The following PXN variants were observed in gnomAD, a reference collection of about 807,000 sequenced individuals.
PXN encodes paxillin, also known as testicular tissue protein Li 134.
PXN carries 61 observed loss-of-function variants against 103.6 expected under a neutral mutation model. That is an observed-to-expected ratio of 0.59 (90% CI 0.48 to 0.73). The LOEUF (loss-of-function observed/expected upper bound fraction) is 0.73. Among genes scored for constraint, PXN ranks in the 30% least tolerant of loss-of-function variants. PXN has a pLI of 0.00. For missense variants in PXN, 1,274 were observed against 1,460.3 expected, an observed-to-expected ratio of 0.87 and a Z score of 2.08; for synonymous variants, 562 against 607.8, an observed-to-expected ratio of 0.92 and a Z score of 1.11.
Position 120,215,694 on chromosome 12 carries a change from CTT to C in PXN, c.2302-35_2302-34del. ...AGGGGAAGAGATGAGGGTAAGAAATCTTTTTTAAAAATTAAGAAAGAATACAA... is the reference window on the plus strand; with the variant it reads ...AGGGGAAGAGATGAGGGTAAGAAATCTTTTAAAAATTAAGAAAGAATACAA... On this transcript the variant is annotated intron_variant, in intron 9 of 14. Coordinates refer to ENST00000637617, the MANE Select transcript of PXN (RefSeq NM_001385981.1). The surrounding 1 kb of genome is among the most constrained non-coding windows in gnomAD (Gnocchi z 4.9). The C allele has an allele frequency of 6.4e-7, 1 of 1,568,442 alleles. No individual in the cohort carries two copies. The highest frequency in any genetic ancestry group is 8.6e-7 in the Non-Finnish European group (1 of 1,160,992).
chr12:120,256,829 T>G (rs1382447980), intron 1 of PXN, among the ~76,000 whole-genome samples: 1 of 152,154 alleles, frequency 6.6e-6, no homozygotes, highest in South Asian at 2.1e-4. Flanking sequence ...GGAATTCTCC[T>G]GCCTCAGCCT....
In PXN at chr12:120,211,677, G is replaced by T; in HGVS notation, c.*637C>A. Reference sequence around the variant, plus strand: ...AAGTGACTAGAAAACATTATTGCTGGAGAGGCTTTTCTCAGTAGAACAAGA... The same window carrying T: ...AAGTGACTAGAAAACATTATTGCTGTAGAGGCTTTTCTCAGTAGAACAAGA... On this transcript the variant is annotated 3_prime_UTR_variant, in exon 15 of 15. Coordinates refer to ENST00000637617, the MANE Select transcript of PXN (RefSeq NM_001385981.1). 1 of 317,506 alleles carries T rather than the reference G, an allele frequency of 3.1e-6. No homozygotes were observed. The highest frequency in any genetic ancestry group is 7.6e-5 in the East Asian group (1 of 13,094). 19.7% of individuals were successfully genotyped at this position (317,506 alleles called of 1,614,324 possible). A position where few individuals can be genotyped will look rare whatever the true frequency, so the allele number is the denominator to read the frequency against.
chr12:120,226,014 C>T (rs1886773685), intron 1 of PXN: 5 of 1,067,144 alleles, frequency 4.7e-6, no homozygotes, highest in African/African-American at 3.3e-5. Flanking sequence ...CAGCCCGCCC[C>T]GCCCTCCGGG....
At chr12:120,247,699 C>T (rs1035739448) in intron 1 of PXN, 2 of 154,286 alleles carry the variant, frequency 1.3e-5, no homozygotes, top group African/African-American at 4.8e-5. Flanking sequence ...CCGCAAGTGA[C>T]TCACTGACCT....
At chr12:120,235,964 A>G (rs919217771) in intron 1 of PXN, among the ~76,000 whole-genome samples, 4 of 152,216 alleles carry the variant, frequency 2.6e-5, no homozygotes, top group Admixed American at 1.3e-4. Flanking sequence ...ACTCCACTGT[A>G]GGCACCAAAC....
chr12:120,234,618 T>C (rs1888676892), intron 1 of PXN, among the ~76,000 whole-genome samples: 1 of 151,982 alleles, frequency 6.6e-6, no homozygotes, highest in African/African-American at 2.4e-5. Context: ...GGCAGTGTGG[T>C]AGAGTGGAAG....
rs1274353390 is a variant in PXN at position 120,215,290 on chromosome 12, G to A, written c.2404-17C>T. 3 of 1,573,844 alleles carry A rather than the reference G, an allele frequency of 1.9e-6. No homozygotes were observed. Among genetic ancestry groups the A allele is most frequent in the Non-Finnish European group, 2.6e-6 (3 of 1,162,650 alleles). ...GGCCATGAACTGTGGACACGGAGGG[G>A]GCTGGTCAGGACTCCTGAGGCTCGG... On this transcript the variant is annotated splice_polypyrimidine_tract_variant and intron_variant, in intron 10 of 14. Transcript: ENST00000637617. This position sits in a 1 kb window ranked among gnomAD's most constrained non-coding sequence, Gnocchi z 4.9.
intron 1 of PXN, chr12:120,226,821 C>T (rs1402275033): frequency 1.3e-5 from 13 of 1,018,396 alleles, no homozygotes; most frequent in African/African-American, 1.7e-5. Context: ...TCTCAGTAAG[C>T]TCTTGAATAA....
At chr12:120,227,767 T>C (rs1481186864) in intron 1 of PXN, among the ~76,000 whole-genome samples, 1 of 152,054 alleles carries the variant, frequency 6.6e-6, no homozygotes, top group Non-Finnish European at 1.5e-5. Flanking sequence ...AAACCAGAAA[T>C]ACAGGAGGCA....
Position 120,215,762 on chromosome 12 carries a change from T to A in PXN, c.2302-101A>T. 1 of 1,348,648 alleles carries A rather than the reference T, an allele frequency of 7.4e-7. No homozygotes were observed. Among genetic ancestry groups the A allele is most frequent in the Non-Finnish European group, 9.8e-7 (1 of 1,023,268 alleles). 83.5% of individuals were successfully genotyped at this position (1,348,648 alleles called of 1,614,324 possible). A position where few individuals can be genotyped will look rare whatever the true frequency, so the allele number is the denominator to read the frequency against. On this transcript the variant is annotated intron_variant, in intron 9 of 14. Transcript: ENST00000637617. The surrounding 1 kb of genome is among the most constrained non-coding windows in gnomAD (Gnocchi z 4.9). ...CTAAAAGGGAATCTAGGATGAGATC[T>A]GAGGGTTTCTCCCCCACCGGCAGGA...
In PXN at chr12:120,222,872, A is replaced by C. The variant is rs367683661; in HGVS notation, c.484T>G (p.Phe162Val). 2.5e-6 allele frequency: 4 copies of C among 1,613,714 alleles called. No individual in the cohort carries two copies. Among genetic ancestry groups the C allele is most frequent in the Non-Finnish European group, 3.4e-6 (4 of 1,179,816 alleles). Reference sequence around the variant, plus strand: ...AGGGACCCGGTCCTACCTGCAGGGAAGCCTGGCGGGTTATGCTGTACAGCG... The same window carrying C: ...AGGGACCCGGTCCTACCTGCAGGGACGCCTGGCGGGTTATGCTGTACAGCG... ...LNAVQHNPPG[F>V]PADEANSSPP... The change falls in exon 4 of 15, where the codon TTC becomes GTC. Residue 162 changes from phenylalanine (F) to valine (V), a missense_variant. Around this residue, in one of 2 missense-constraint regions of PXN, gnomAD observed 1,178 missense variants for 1,309.0 expected, o/e 0.90. Coordinates refer to ENST00000637617, the MANE Select transcript of PXN (RefSeq NM_001385981.1). The surrounding 1 kb of genome is among the most constrained non-coding windows in gnomAD (Gnocchi z 4.7).
rs933459630 is a variant in PXN at position 120,217,753 on chromosome 12, T to C, written c.1717-637A>G. ...CACCACCACGCCTGGCTAATTTTTG[T>C]TGTTGTTGTTTTTTGTTTTTTTTTT... On this transcript the variant is annotated intron_variant, in intron 7 of 14. Coordinates refer to ENST00000637617, the MANE Select transcript of PXN (RefSeq NM_001385981.1). This position sits in a 1 kb window ranked among gnomAD's most constrained non-coding sequence, Gnocchi z 4.1. Among the ~76,000 whole-genome samples the C allele has an allele frequency of 2.0e-5, 3 of 151,314 alleles. No homozygotes were observed. The highest frequency in any genetic ancestry group is 4.8e-5 in the African/African-American group (2 of 41,360).
rs1042927124 is a variant in PXN, at chr12:120,216,450, G to A, written c.2124C>T (p.Leu708=). Residue 708 remains leucine, a synonymous_variant, in exon 9 of 15, where the codon CTC becomes CTT. Transcript: ENST00000637617. The surrounding 1 kb of genome is among the most constrained non-coding windows in gnomAD (Gnocchi z 5.1). ...ASSSSPLPSL[L]ASSPLGPSAY... is the part of the protein sequence containing the mutation. Reference sequence around the variant, plus strand: ...CTGAGGGCCCCAGGGGGGAGGAGGCGAGCAGGCTGGGCAGGGGAGAAGAGC... The same window carrying A: ...CTGAGGGCCCCAGGGGGGAGGAGGCAAGCAGGCTGGGCAGGGGAGAAGAGC... The A allele has an allele frequency of 5.6e-5, 77 of 1,376,336 alleles. No individual in the cohort carries two copies. The highest frequency in any genetic ancestry group is 5.5e-5 in the Non-Finnish European group (59 of 1,074,324). The allele number at this position is 1,376,336 out of a possible 1,614,324, so 85.3% of individuals were successfully genotyped here.
chr12:120,216,513 G>A lies in PXN; in HGVS notation c.2061C>T (p.Val687=). 2 of 1,398,306 alleles carry A rather than the reference G, an allele frequency of 1.4e-6. No individual in the cohort carries two copies. Among genetic ancestry groups the A allele is most frequent in the South Asian group, 1.6e-5 (1 of 62,438 alleles). The allele number at this position is 1,398,306 out of a possible 1,614,324, so 86.6% of individuals were successfully genotyped here. ...RTISVLASPS[V]PLLQHRTDAA... ...CGTCTGTGCGATGCTGGAGCAAAGG[G>A]ACAGAAGGAGAAGCCAGGACAGAGA... Residue 687 remains valine, a synonymous_variant, in exon 9 of 15, where the codon GTC becomes GTT. Coordinates refer to ENST00000637617, the MANE Select transcript of PXN (RefSeq NM_001385981.1). This position sits in a 1 kb window ranked among gnomAD's most constrained non-coding sequence, Gnocchi z 5.1.
intron 1 of PXN, among the ~76,000 whole-genome samples, chr12:120,241,500 A>T (rs1230598201): frequency 6.6e-6 from 1 of 152,212 alleles, no homozygotes; most frequent in Non-Finnish European, 1.5e-5. Context: ...GATGGCTCCA[A>T]TCGCGTTCAC....
intron 1 of PXN, among the ~76,000 whole-genome samples, chr12:120,241,250 C>T (rs1350433693): frequency 1.3e-5 from 2 of 152,240 alleles, no homozygotes; most frequent in East Asian, 3.9e-4. Flanking sequence ...TCACTAGGGG[C>T]TGAAGCTGAA....
At chr12:120,240,687 C>T (rs1166087088) in intron 1 of PXN, among the ~76,000 whole-genome samples, 2 of 152,190 alleles carry the variant, frequency 1.3e-5, no homozygotes, top group Non-Finnish European at 2.9e-5. Flanking sequence ...AAGCTGGCAT[C>T]GCAGCCCCAC....
Position 120,219,113 on chromosome 12 carries a change from C to G in PXN, c.1716+94G>C, listed in dbSNP as rs1009224064. ...AGCATTTTCTGCCCAAGCAGACATG[C>G]GCAGAGTGGGAGGCTGCATGCAGTT... On this transcript the variant is annotated intron_variant, in intron 7 of 14. Transcript: ENST00000637617. This position sits in a 1 kb window ranked among gnomAD's most constrained non-coding sequence, Gnocchi z 6.5. The G allele has an allele frequency of 1.5e-6, 2 of 1,292,796 alleles. No homozygotes were observed. The highest frequency in any genetic ancestry group is 2.1e-6 in the Non-Finnish European group (2 of 969,104). 80.1% of individuals were successfully genotyped at this position (1,292,796 alleles called of 1,614,324 possible).
Position 120,215,743 on chromosome 12 carries a change from G to A in PXN, c.2302-82C>T. ...ACAAGACCTTGTCACTGGACTAAAA[G>A]GGAATCTAGGATGAGATCTGAGGGT... On this transcript the variant is annotated intron_variant, in intron 9 of 14. Coordinates refer to ENST00000637617, the MANE Select transcript of PXN (RefSeq NM_001385981.1). The surrounding 1 kb of genome is among the most constrained non-coding windows in gnomAD (Gnocchi z 4.9). 1 of 1,422,092 alleles carries A rather than the reference G, an allele frequency of 7.0e-7. No homozygotes were observed. 88.1% of individuals were successfully genotyped at this position (1,422,092 alleles called of 1,614,324 possible). A position where few individuals can be genotyped will look rare whatever the true frequency, so the allele number is the denominator to read the frequency against.
Sources: allele counts gnomAD v4.1 joint callset (sites outside exome capture counted in the v4.1 genomes callset), GRCh38; gene constraint gnomAD v4.1.1; regional missense constraint gnomAD v4.1.1; non-coding constraint Gnocchi (gnomAD v3.1); transcripts MANE v1.5; gene names NCBI Gene and HGNC (gene_info 2026-07-23, HGNC 2026-07-21).